GALNT14: variants seen among roughly 807,000 people sequenced by gnomAD.
GALNT14 encodes the protein UDP-GalNAc:polypeptide N-acetylgalactosaminyltransferase 14.
A neutral mutation model predicts 77.5 loss-of-function variants in GALNT14; 60 were observed. The observed-to-expected ratio is 0.77, with a 90% CI of 0.63 to 0.96. GALNT14 has a LOEUF of 0.96. GALNT14 is among the 40% of genes least tolerant of loss of function. The pLI, the probability that GALNT14 is intolerant of heterozygous loss-of-function variation, is 0.00. For synonymous variants in GALNT14, 280 were observed against 281.7 expected (o/e 0.99, Z 0.06); for missense variants, 710 against 731.0 (o/e 0.97, Z 0.33).
the GALNT14 span, among the ~76,000 whole-genome samples, chr2:30,900,099 C>T: frequency 1.3e-5 from 2 of 152,158 alleles, no homozygotes; most frequent in African/African-American, 2.4e-5. Context: ...CTATGGTGGA[C>T]CGCAGGTACA....
intron 1 of GALNT14, among the ~76,000 whole-genome samples, chr2:31,009,362 G>C (rs1306625752): frequency 6.6e-6 from 1 of 152,096 alleles, no homozygotes; most frequent in Non-Finnish European, 1.5e-5. Context: ...TTTCTCCTGG[G>C]CTTCTCAGAC....
downstream of GALNT14, among the ~76,000 whole-genome samples, chr2:30,905,974 G>T (rs1204893883): frequency 6.6e-6 from 1 of 150,964 alleles, no homozygotes; most frequent in South Asian, 2.1e-4. Flanking sequence ...CTTCATAAGC[G>T]AAGGAGAAAT....
chr2:30,958,928 G>A (rs931822127), intron 3 of GALNT14, among the ~76,000 whole-genome samples: 2 of 152,106 alleles, frequency 1.3e-5, no homozygotes, highest in African/African-American at 2.4e-5. Context: ...GACTCTCCTC[G>A]CCAATGCAAA....
At chr2:31,020,721 G>C (rs1417451807) in intron 1 of GALNT14, among the ~76,000 whole-genome samples, 1 of 152,068 alleles carries the variant, frequency 6.6e-6, no homozygotes, top group East Asian at 1.9e-4. Flanking sequence ...TCAGCCTCTT[G>C]GCTCCCACAT....
chr2:31,055,052 T>C (rs1242544388), intron 1 of GALNT14, among the ~76,000 whole-genome samples: 3 of 152,310 alleles, frequency 2.0e-5, no homozygotes, highest in Middle Eastern at 3.4e-3. Flanking sequence ...CATTAAACCA[T>C]CTGAACAAAG....
intron 1 of GALNT14, among the ~76,000 whole-genome samples, chr2:31,022,808 A>T (rs1410579440): frequency 6.6e-6 from 1 of 152,244 alleles, no homozygotes; most frequent in Admixed American, 6.5e-5. Flanking sequence ...AAATGAACAG[A>T]GGTTCTCTGT....
intron 14 of GALNT14, 77 bp from the exon 15 acceptor site, chr2:30,911,136 G>C (rs941974348): frequency 4.3e-6 from 6 of 1,394,664 alleles, no homozygotes; most frequent in Non-Finnish European, 6.0e-6. Flanking sequence ...CAGAAAGGTA[G>C]GTGCCTCATG....
At position 30,911,106 on chromosome 2, in the gene GALNT14, C is replaced by T. The variant is rs191356998; in HGVS notation, c.1501-47G>A. The T allele has an allele frequency of 8.9e-6, 14 of 1,575,558 alleles. No individual in the cohort carries two copies. In the East Asian group the frequency reaches 3.2e-4, roughly 36 times the overall value. ...TGAATGAACTAGGTGCCATCAGTAA[C>T]ATGGGAGTTCCAGCTTTATCAGAAA... On this transcript the variant is annotated intron_variant, in intron 14 of 14. Transcript: ENST00000349752.
chr2:30,953,639 C>T (rs1338526716), intron 6 of GALNT14, among the ~76,000 whole-genome samples: 1 of 152,154 alleles, frequency 6.6e-6, no homozygotes, highest in African/African-American at 2.4e-5. Flanking sequence ...TTTTGTGTTG[C>T]TTCTACTTGC....
intron 1 of GALNT14, among the ~76,000 whole-genome samples, chr2:31,135,848 G>A (rs2148655939): frequency 6.6e-6 from 1 of 152,310 alleles, no homozygotes; most frequent in Non-Finnish European, 1.5e-5. Flanking sequence ...CCAGCACAGA[G>A]CCTGGCATAC....
intron 1 of GALNT14, among the ~76,000 whole-genome samples, chr2:31,064,710 C>G (rs1331774896): frequency 6.6e-6 from 1 of 152,042 alleles, no homozygotes; most frequent in Non-Finnish European, 1.5e-5. Context: ...AGATAGACAA[C>G]AGTCATAGCT....
chr2:31,029,093 G>A (rs1164648408), intron 1 of GALNT14, among the ~76,000 whole-genome samples: 1 of 152,150 alleles, frequency 6.6e-6, no homozygotes, highest in Non-Finnish European at 1.5e-5. Context: ...AACGCGTGCA[G>A]AGGGAAGAAA....
intron 4 of GALNT14, among the ~76,000 whole-genome samples, chr2:30,956,540 G>C (rs974019836): frequency 1.3e-5 from 2 of 152,192 alleles, no homozygotes; most frequent in Admixed American, 1.3e-4. Context: ...ACGGAATCTC[G>C]CTGTCGCCCA....
chr2:31,024,868 C>T (rs1041493503), intron 1 of GALNT14, among the ~76,000 whole-genome samples: 2 of 152,120 alleles, frequency 1.3e-5, no homozygotes, highest in African/African-American at 4.8e-5. Flanking sequence ...CCCCACACGG[C>T]AGGGCTCTAG....
At chr2:30,971,390 TC>T (rs1246354890) in intron 2 of GALNT14, among the ~76,000 whole-genome samples, 1 of 151,050 alleles carries the variant, frequency 6.6e-6, no homozygotes. Context: ...CACCGAAGAG[TC>T]TCCATGAGCC....
Position 31,095,302 on chromosome 2 carries a change from C to T in GALNT14, c.129+42656G>A, listed in dbSNP as rs1676944483. On this transcript the variant is annotated intron_variant, in intron 1 of 14. Coordinates refer to ENST00000349752, the MANE Select transcript of GALNT14 (RefSeq NM_024572.4). ...AAATTTCAACCTTGCTCCAGTTGTG[C>T]TACCAAATGTGCATCAGCCCTGACA... 1.3e-5 allele frequency among the ~76,000 whole-genome samples: 2 copies of T among 152,178 alleles called. 1 individual carries two copies. Among genetic ancestry groups the T allele is most frequent in the South Asian group, 4.1e-4 (2 of 4,838 alleles).
intron 1 of GALNT14, among the ~76,000 whole-genome samples, chr2:31,037,560 T>C (rs6726217): frequency 0.04 from 6,106 of 152,294 alleles, 385 homozygotes; most frequent in African/African-American, 0.14. Flanking sequence ...TCCCATACTT[T>C]TGCATATCTC....
Position 31,138,023 on chromosome 2 carries a change from G to T in GALNT14, c.64C>A (p.Leu22Met). The T allele has an allele frequency of 6.8e-6, 11 of 1,613,850 alleles. No individual in the cohort carries two copies. Among genetic ancestry groups the T allele is most frequent in the Non-Finnish European group, 9.3e-6 (11 of 1,179,802 alleles). The change falls in exon 1 of 15, where the codon CTG becomes ATG. Residue 22 changes from leucine (L) to methionine (M), a missense_variant. Physicochemically the swap from Leu to Met is conservative, Grantham distance 15 (BLOSUM62 2). Coordinates refer to ENST00000349752, the MANE Select transcript of GALNT14 (RefSeq NM_024572.4). ...VFGVLWITVL[L>M]FFWVTKRKLE... is the part of the protein sequence containing the mutation. Reference sequence around the variant, plus strand: ...TTCCTCTTGGTTACCCAGAAGAACAGCAGCACCGTGATCCAGAGCACCCCG... The same window carrying T: ...TTCCTCTTGGTTACCCAGAAGAACATCAGCACCGTGATCCAGAGCACCCCG...
intron 1 of GALNT14, among the ~76,000 whole-genome samples, chr2:31,038,180 C>T (rs1329074007): frequency 3.4e-5 from 5 of 148,698 alleles, no homozygotes; most frequent in Non-Finnish European, 5.9e-5. Flanking sequence ...CTGCAACCCC[C>T]GCCTCCCAGG....
Sources: gnomAD v4.1 joint callset for allele counts (sites outside exome capture counted in the v4.1 genomes callset) on GRCh38, gnomAD v4.1.1 for gene constraint, MANE v1.5 for transcripts, NCBI Gene and HGNC (gene_info 2026-07-23, HGNC 2026-07-21) for gene names.